Variants in SLC39A9 observed in about 807,000 individuals in gnomAD.
SLC39A9 encodes the protein zinc transporter ZIP9.
SLC39A9 carries 14 observed loss-of-function variants against 28.4 expected under a neutral mutation model. That is an observed-to-expected ratio of 0.49 (90% CI 0.33 to 0.77). The LOEUF is 0.77. Among genes scored for constraint, SLC39A9 ranks in the 30% least tolerant of loss-of-function variants. The pLI, the probability that SLC39A9 is intolerant of heterozygous loss-of-function variation, is 0.02. For synonymous variants in SLC39A9, 119 were observed against 149.6 expected, an observed-to-expected ratio of 0.80 and a Z score of 1.49; for missense variants, 283 against 381.1, an observed-to-expected ratio of 0.74 and a Z score of 2.14.
chr14:69,434,135 G>A (rs1469484209), intron 2 of SLC39A9, among the ~76,000 whole-genome samples: 1 of 148,468 alleles, frequency 6.7e-6, no homozygotes, highest in African/African-American at 2.5e-5. Flanking sequence ...CCAGACTGGA[G>A]TGCAGTGGCA....
In SLC39A9 at chr14:69,398,840, T is replaced by TA. The variant is rs1352371714; in HGVS notation, c.-529dup. Reference sequence around the variant, plus strand: ...CTGCTGAACCCCTAGGACCCATCGTTAGAGACCTGCAGGACTCCTTTCCTC... The same window carrying TA: ...CTGCTGAACCCCTAGGACCCATCGTTAAGAGACCTGCAGGACTCCTTTCCTC... On this transcript the variant is annotated 5_prime_UTR_variant, in exon 1 of 7. Coordinates refer to ENST00000336643, the MANE Select transcript of SLC39A9 (RefSeq NM_018375.5). 2 of 194,844 alleles carry TA rather than the reference T, an allele frequency of 1.0e-5. No homozygotes were observed. Among genetic ancestry groups the TA allele is most frequent in the Admixed American group, 6.0e-5 (1 of 16,748 alleles). 12.1% of individuals were successfully genotyped at this position (194,844 alleles called of 1,614,324 possible). A position where few individuals can be genotyped will look rare whatever the true frequency, so the allele number is the denominator to read the frequency against.
At chr14:69,431,607 G>T (rs1308223236) in intron 2 of SLC39A9, among the ~76,000 whole-genome samples, 2 of 150,930 alleles carry the variant, frequency 1.3e-5, no homozygotes, top group Non-Finnish European at 3.0e-5. Flanking sequence ...TACATGTACA[G>T]GTTTGTTACC....
At chr14:69,425,228 T>C (rs535561400) in intron 2 of SLC39A9, among the ~76,000 whole-genome samples, 1 of 152,218 alleles carries the variant, frequency 6.6e-6, no homozygotes, top group African/African-American at 2.4e-5. Flanking sequence ...TTGCACTGAT[T>C]TAATGTGTAC....
At chr14:69,450,343 T>G (rs778392170) in intron 3 of SLC39A9, among the ~76,000 whole-genome samples, 1 of 152,198 alleles carries the variant, frequency 6.6e-6, no homozygotes. Context: ...GCCACTTCAC[T>G]TCTATGTGTT....
At chr14:69,426,929 C>T (rs77944556) in intron 2 of SLC39A9, among the ~76,000 whole-genome samples, 1,795 of 151,534 alleles carry the variant, frequency 0.012, 72 homozygotes, top group Admixed American at 0.072. Context: ...TACACACATA[C>T]ACACACACAC....
chr14:69,416,134 A>G (rs1207071909), intron 1 of SLC39A9, among the ~76,000 whole-genome samples: 1 of 143,886 alleles, frequency 6.9e-6, no homozygotes, highest in Non-Finnish European at 1.5e-5. Flanking sequence ...GTGTTACCCC[A>G]TGACAGGCCC....
intron 2 of SLC39A9, among the ~76,000 whole-genome samples, chr14:69,441,323 A>G (rs1486897623): frequency 1.3e-5 from 2 of 152,222 alleles, no homozygotes; most frequent in Non-Finnish European, 1.5e-5. Flanking sequence ...CTGATTATAA[A>G]TGATAAATGT....
rs1213319343 is a variant in SLC39A9 at position 69,462,348 on chromosome 14, A to G, written c.*3755A>G. 6.6e-6 allele frequency: 1 copy of G among 152,276 alleles called. No individual in the cohort carries two copies. Among genetic ancestry groups the G allele is most frequent in the Non-Finnish European group, 1.5e-5 (1 of 68,066 alleles). 9.4% of individuals were successfully genotyped at this position (152,276 alleles called of 1,614,324 possible). A position where few individuals can be genotyped will look rare whatever the true frequency, so the allele number is the denominator to read the frequency against. ...ACTTTAATTGTGAATGGTTAAAAAAATGCTGTTTTCTGATATTAAATTTTT... is the reference window on the plus strand; with the variant it reads ...ACTTTAATTGTGAATGGTTAAAAAAGTGCTGTTTTCTGATATTAAATTTTT... On this transcript the variant is annotated 3_prime_UTR_variant, in exon 7 of 7. Transcript: ENST00000336643.
chr14:69,452,670 T>G (rs1340571621), intron 3 of SLC39A9, among the ~76,000 whole-genome samples: 1 of 152,002 alleles, frequency 6.6e-6, no homozygotes, highest in Admixed American at 6.6e-5. Flanking sequence ...CACGGATGTG[T>G]AAGATTAATT....
Position 69,458,428 on chromosome 14 carries a change from A to G in SLC39A9, c.759A>G (p.Thr253=). The part of the protein sequence containing the change: ...TGVAMLFSAG[T]FLYVATVHVL... ...TGGCCATGCTTTTCTCTGCCGGGAC[A>G]TTTCTTTATGTTGCCACAGTACATG... Residue 253 remains threonine (T), a synonymous_variant, in exon 7 of 7, where the codon ACA becomes ACG. Transcript: ENST00000336643. 1 of 1,614,220 alleles carries G rather than the reference A, an allele frequency of 6.2e-7. No homozygotes were observed. Among genetic ancestry groups the G allele is most frequent in the East Asian group, 2.2e-5 (1 of 44,892 alleles).
At position 69,461,309 on chromosome 14, in the gene SLC39A9, C is replaced by T; in HGVS notation, c.*2716C>T. 1 of 1,046,386 alleles carries T rather than the reference C, an allele frequency of 9.6e-7. No homozygotes were observed. Among genetic ancestry groups the T allele is most frequent in the Non-Finnish European group, 1.2e-6 (1 of 865,242 alleles). The allele number at this position is 1,046,386 out of a possible 1,614,324, so 64.8% of individuals were successfully genotyped here. On this transcript the variant is annotated 3_prime_UTR_variant, in exon 7 of 7. Transcript: ENST00000336643. ...CAAATTAAGTTAAAGAATACTACTG[C>T]TCCATTCCCCTCACTTATTCTCCAG...
At chr14:69,427,429 A>AT (rs201230931) in intron 2 of SLC39A9, among the ~76,000 whole-genome samples, 1 of 152,226 alleles carries the variant, frequency 6.6e-6, no homozygotes, top group Admixed American at 6.5e-5. Context: ...AGTCATTTAA[A>AT]TTTTTTAAAA....
chr14:69,421,418 C>T (rs1883884509), intron 1 of SLC39A9, among the ~76,000 whole-genome samples: 1 of 152,176 alleles, frequency 6.6e-6, no homozygotes, highest in Non-Finnish European at 1.5e-5. Context: ...TCAGTCGGCA[C>T]CTACCGGGAG....
At chr14:69,422,154 G>T (rs955948562) in intron 1 of SLC39A9, among the ~76,000 whole-genome samples, 1 of 152,148 alleles carries the variant, frequency 6.6e-6, no homozygotes, top group Non-Finnish European at 1.5e-5. Context: ...CCGCTTGTTT[G>T]CTAACTAACC....
chr14:69,441,298 C>T (rs1209745335), intron 2 of SLC39A9, among the ~76,000 whole-genome samples: 1 of 152,130 alleles, frequency 6.6e-6, no homozygotes, highest in East Asian at 1.9e-4. Context: ...TTAAAGAAGG[C>T]TTAAACTGCT....
intron 3 of SLC39A9, among the ~76,000 whole-genome samples, chr14:69,449,505 A>T (rs1224745790): frequency 6.6e-6 from 1 of 152,118 alleles, no homozygotes; most frequent in Non-Finnish European, 1.5e-5. Flanking sequence ...TGTGCCTGTA[A>T]TCCCAGTTAC....
At chr14:69,449,536 G>T (rs776323058) in intron 3 of SLC39A9, among the ~76,000 whole-genome samples, 2 of 151,976 alleles carry the variant, frequency 1.3e-5, no homozygotes, top group East Asian at 1.9e-4. Context: ...GAGATGGGAG[G>T]ATTGCTTGAG....
chr14:69,411,229 A>C (rs1172889157), intron 1 of SLC39A9, among the ~76,000 whole-genome samples: 1 of 152,070 alleles, frequency 6.6e-6, no homozygotes, highest in East Asian at 1.9e-4. Context: ...AAAAAAAAAA[A>C]AAACTTTAAA....
chr14:69,407,330 T>TCC (rs1196980876), intron 1 of SLC39A9, among the ~76,000 whole-genome samples: 14,697 of 136,628 alleles, frequency 0.11, 948 homozygotes, highest in Middle Eastern at 0.21. Flanking sequence ...CTTCCTTCCT[T>TCC]TCTTCCTTCC....
Sources: gnomAD v4.1 joint callset for allele counts (sites outside exome capture counted in the v4.1 genomes callset) on GRCh38, gnomAD v4.1.1 for gene constraint, MANE v1.5 for transcripts, NCBI Gene and HGNC (gene_info 2026-07-23, HGNC 2026-07-21) for gene names.